Variants in RALYL observed in about 807,000 individuals in gnomAD.
RALYL encodes RALY RNA binding protein like, also known as RNA-binding Raly-like protein.
Under a neutral mutation model 35.1 loss-of-function variants are expected in RALYL, and 29 were observed. That is an observed-to-expected ratio of 0.83 (90% CI 0.61 to 1.13). RALYL has a LOEUF of 1.13. Ranked by LOEUF, RALYL falls within the 50% of genes most tolerant of loss-of-function variation. The probability of loss-of-function intolerance (pLI) is 0.00; values close to 1 mark genes in which losing one functional copy is unlikely to be tolerated. For missense variants in RALYL, 359 were observed against 360.4 expected, an observed-to-expected ratio of 1.00 and a Z score of 0.03; for synonymous variants, 120 against 127.6, an observed-to-expected ratio of 0.94 and a Z score of 0.40.
At chr8:84,540,729 G>A (rs2059965948) in intron 2 of RALYL, among the ~76,000 whole-genome samples, 1 of 151,900 alleles carries the variant, frequency 6.6e-6, no homozygotes, top group Non-Finnish European at 1.5e-5. Flanking sequence ...GGAAGAATCT[G>A]CATGTGATTG....
intron 3 of RALYL, among the ~76,000 whole-genome samples, chr8:84,785,859 C>T (rs763020608): frequency 6.6e-6 from 1 of 152,190 alleles, no homozygotes; most frequent in Non-Finnish European, 1.5e-5. Context: ...GATACATGTA[C>T]AGGACGTGCA....
chr8:84,345,302 G>A (rs187720799), intron 1 of RALYL, among the ~76,000 whole-genome samples: 1 of 152,030 alleles, frequency 6.6e-6, no homozygotes, highest in Admixed American at 6.6e-5. Flanking sequence ...TAAGATAGAT[G>A]CTCCCAGGGA....
chr8:84,629,118 G>A (rs185664249), intron 2 of RALYL, among the ~76,000 whole-genome samples: 3 of 152,092 alleles, frequency 2.0e-5, no homozygotes, highest in Admixed American at 2.0e-4. Context: ...AATCCTCTAG[G>A]TGACTTCCCT....
At chr8:84,872,459 TGA>T (rs1417402571) in intron 6 of RALYL, 4 of 152,176 alleles carry the variant, frequency 2.6e-5, no homozygotes, top group Non-Finnish European at 4.4e-5. Flanking sequence ...CTTCGAAATA[TGA>T]GATTGTTCTT....
chr8:84,821,205 A>G (rs866737555), intron 4 of RALYL, among the ~76,000 whole-genome samples: 37 of 152,312 alleles, frequency 2.4e-4, no homozygotes, highest in Middle Eastern at 3.4e-3. Context: ...AGACAGTTCA[A>G]AGTATTGACT....
intron 2 of RALYL, among the ~76,000 whole-genome samples, chr8:84,724,088 A>G (rs985218295): frequency 6.6e-6 from 1 of 151,830 alleles, no homozygotes; most frequent in African/African-American, 2.4e-5. Context: ...TTTTTATTAT[A>G]CTTTTAAAAC....
chr8:84,847,712 C>A (rs995704647), intron 4 of RALYL, among the ~76,000 whole-genome samples: 4 of 152,176 alleles, frequency 2.6e-5, no homozygotes, highest in African/African-American at 9.7e-5. Context: ...TTCCTTCTTA[C>A]ACTTTAGGCA....
intron 2 of RALYL, among the ~76,000 whole-genome samples, chr8:84,581,633 A>G (rs1810865864): frequency 1.3e-5 from 2 of 152,158 alleles, no homozygotes; most frequent in Non-Finnish European, 2.9e-5. Context: ...ATGACTTGTC[A>G]TGTGTTTTGC....
chr8:84,443,013 G>T (rs1037481557), intron 1 of RALYL, among the ~76,000 whole-genome samples: 1 of 152,098 alleles, frequency 6.6e-6, no homozygotes, highest in African/African-American at 2.4e-5. Context: ...TGTTGTGAAG[G>T]CTAAATATGT....
chr8:84,850,248 A>C (rs1835557924), intron 5 of RALYL, among the ~76,000 whole-genome samples: 1 of 152,208 alleles, frequency 6.6e-6, no homozygotes, highest in Non-Finnish European at 1.5e-5. Context: ...GAGGTGCTCA[A>C]ACCTAAGATT....
chr8:84,621,907 A>G (rs533857254), intron 2 of RALYL, among the ~76,000 whole-genome samples: 2 of 152,314 alleles, frequency 1.3e-5, no homozygotes, highest in Admixed American at 1.3e-4. Context: ...CTCTTTTTCT[A>G]TGAAACCAAT....
chr8:84,349,544 C>A (rs1223035668), intron 1 of RALYL, among the ~76,000 whole-genome samples: 1 of 150,298 alleles, frequency 6.7e-6, no homozygotes, highest in Non-Finnish European at 1.5e-5. Flanking sequence ...CATCCTTATG[C>A]AGTTACTTGA....
intron 2 of RALYL, among the ~76,000 whole-genome samples, chr8:84,759,828 G>C (rs1812269617): frequency 1.3e-5 from 2 of 152,098 alleles, no homozygotes; most frequent in African/African-American, 4.8e-5. Context: ...TATTGATACT[G>C]TTACGTATCT....
At chr8:84,571,314 G>A (rs943327872) in intron 2 of RALYL, among the ~76,000 whole-genome samples, 9 of 151,486 alleles carry the variant, frequency 5.9e-5, no homozygotes, top group African/African-American at 2.2e-4. Context: ...TCTATTAAGG[G>A]TATCTATTTC....
At chr8:84,218,378 A>C (rs1172935165) in intron 1 of RALYL, among the ~76,000 whole-genome samples, 1 of 151,912 alleles carries the variant, frequency 6.6e-6, no homozygotes, top group Non-Finnish European at 1.5e-5. Context: ...GCCATTGACA[A>C]TAAGATACAC....
chr8:84,409,549 TTA>T (rs1412521166), intron 1 of RALYL, among the ~76,000 whole-genome samples: 3 of 152,038 alleles, frequency 2.0e-5, no homozygotes, highest in Non-Finnish European at 4.4e-5. Context: ...TAATTGCACT[TTA>T]TAGACGAAGA....
intron 1 of RALYL, among the ~76,000 whole-genome samples, chr8:84,491,396 G>A (rs1564024638): frequency 6.6e-6 from 1 of 151,994 alleles, no homozygotes; most frequent in Non-Finnish European, 1.5e-5. Context: ...AAAGAGAAAT[G>A]TATTTAAATT....
intron 3 of RALYL, among the ~76,000 whole-genome samples, chr8:84,787,631 C>T (rs959343373): frequency 5.3e-5 from 8 of 152,150 alleles, no homozygotes; most frequent in Non-Finnish European, 1.0e-4. Flanking sequence ...AATTTACACT[C>T]CCACCAACAG....
intron 6 of RALYL, among the ~76,000 whole-genome samples, chr8:84,869,725 G>A (rs947441274): frequency 4.6e-5 from 7 of 152,074 alleles, no homozygotes; most frequent in Admixed American, 6.6e-5. Context: ...TAAGAACCAC[G>A]GATCTAGACA....
Sources: gnomAD v4.1 joint callset for allele counts (sites outside exome capture counted in the v4.1 genomes callset) on GRCh38, gnomAD v4.1.1 for gene constraint, MANE v1.5 for transcripts, NCBI Gene and HGNC (gene_info 2026-07-23, HGNC 2026-07-21) for gene names.